PIK3C2A: variants seen among roughly 807,000 people sequenced by gnomAD.
The protein encoded by PIK3C2A is phosphatidylinositol-4-phosphate 3-kinase catalytic subunit type 2 alpha.
A neutral mutation model predicts 204.5 loss-of-function variants in PIK3C2A; 97 were observed. The ratio of observed to expected loss-of-function variants is 0.47; its 90% CI spans 0.40 to 0.56. The LOEUF is 0.56. Ranked by LOEUF, PIK3C2A falls within the 20% of genes least tolerant of loss-of-function variation. The pLI, the probability that PIK3C2A is intolerant of heterozygous loss-of-function variation, is 0.00. For missense variants in PIK3C2A, 1,735 were observed against 1,969.2 expected, an observed-to-expected ratio of 0.88 and a Z score of 2.25; for synonymous variants, 653 against 664.4, an observed-to-expected ratio of 0.98 and a Z score of 0.26.
At chr11:17,173,598 T>A (rs888606519) in intron 1 of PIK3C2A, among the ~76,000 whole-genome samples, 1 of 152,224 alleles carries the variant, frequency 6.6e-6, no homozygotes, top group Non-Finnish European at 1.5e-5. Flanking sequence ...TCTCCCTTTT[T>A]GCTTAAGCCA....
At chr11:17,117,409 G>T in intron 19 of PIK3C2A, 82 bp downstream of exon 19, 1 of 905,184 alleles carries the variant, frequency 1.1e-6, no homozygotes, top group Non-Finnish European at 1.7e-6. Context: ...TACCAATAAA[G>T]AATAGCAACT....
At chr11:17,110,596 T>A in intron 21 of PIK3C2A, 35 bp from the exon 22 acceptor site, 1 of 1,586,716 alleles carries the variant, frequency 6.3e-7, no homozygotes, top group Non-Finnish European at 8.6e-7. Context: ...AACTTGTACA[T>A]CTCCAAAAGA....
In PIK3C2A at chr11:17,190,722, AT is replaced by A. The variant is rs536381857; in HGVS notation, c.-66+17125del. Among the ~76,000 whole-genome samples, 6 of 152,290 alleles carry A rather than the reference AT, an allele frequency of 3.9e-5. No homozygotes were observed. The East Asian group carries it at 1.2e-3, about 29-fold the overall frequency. On this transcript the variant is annotated intron_variant, in intron 1 of 32. Coordinates refer to ENST00000691414, the MANE Select transcript of PIK3C2A (RefSeq NM_002645.4). Reference sequence around the variant, plus strand: ...AGGAAAAATATATTCAAAATCAATAATTAATTAGATGGACTAAGCAGAAGGA... The same window carrying A: ...AGGAAAAATATATTCAAAATCAATAATAATTAGATGGACTAAGCAGAAGGA...
chr11:17,095,648 T>A (rs1848432795), intron 27 of PIK3C2A, among the ~76,000 whole-genome samples: 1 of 151,602 alleles, frequency 6.6e-6, no homozygotes, highest in Non-Finnish European at 1.5e-5. Context: ...GCATGGTGGC[T>A]CACATAATCC....
intron 1 of PIK3C2A, chr11:17,194,179 CA>C: frequency 1.6e-6 from 1 of 626,562 alleles, no homozygotes; most frequent in Non-Finnish European, 2.3e-6. Context: ...CCCGCATTGC[CA>C]AGGGGCTTGG....
intron 1 of PIK3C2A, among the ~76,000 whole-genome samples, chr11:17,189,887 A>G (rs1851884478): frequency 6.6e-6 from 1 of 151,842 alleles, no homozygotes; most frequent in Non-Finnish European, 1.5e-5. Context: ...AAGCAAGAAA[A>G]TGTGACCAAT....
At chr11:17,120,048 A>G (rs1449442207) in intron 15 of PIK3C2A, 74 bp from the exon 16 acceptor site, 1 of 648,672 alleles carries the variant, frequency 1.5e-6, no homozygotes, top group African/African-American at 1.9e-5. Flanking sequence ...AAAAATACAA[A>G]GAAGAAATTT....
At chr11:17,131,419 ATTTTTTTT>A (rs68020564) in intron 12 of PIK3C2A, among the ~76,000 whole-genome samples, 4 of 79,466 alleles carry the variant, frequency 5.0e-5, no homozygotes, top group African/African-American at 1.7e-4. Context: ...AGGGTATTTC[ATTTTTTTT>A]TTTTTTTTTT....
At chr11:17,174,146 G>A (rs1376782146) in intron 1 of PIK3C2A, among the ~76,000 whole-genome samples, 1 of 152,032 alleles carries the variant, frequency 6.6e-6, no homozygotes, top group African/African-American at 2.4e-5. Flanking sequence ...TTTAACAAGA[G>A]GGAGTGAGGG....
intron 8 of PIK3C2A, chr11:17,141,263 CTTCTT>C (rs1469402605): frequency 5.4e-5 from 8 of 147,432 alleles, no homozygotes; most frequent in African/African-American, 1.8e-4. Flanking sequence ...GCTTTCTGCT[CTTCTT>C]TTCTTTTCCT....
At chr11:17,149,256 G>A (rs1046256556) in intron 4 of PIK3C2A, among the ~76,000 whole-genome samples, 3 of 151,694 alleles carry the variant, frequency 2.0e-5, no homozygotes, top group Admixed American at 6.6e-5. Context: ...AAAACATCAC[G>A]TTACCCTTTC....
At chr11:17,174,593 CAAA>C (rs71047532) in intron 1 of PIK3C2A, among the ~76,000 whole-genome samples, 1 of 35,712 alleles carries the variant, frequency 2.8e-5, no homozygotes, top group Admixed American at 4.2e-4. Flanking sequence ...GACTCCGTCT[CAAA>C]AAAAAAAAAA....
chr11:17,189,748 C>A (rs1851876145), intron 1 of PIK3C2A, among the ~76,000 whole-genome samples: 1 of 127,366 alleles, frequency 7.9e-6, no homozygotes. Context: ...GTATGAAAAA[C>A]TAAAAAGTGA....
chr11:17,198,929 G>C (rs1277463663), intron 1 of PIK3C2A, among the ~76,000 whole-genome samples: 1 of 152,024 alleles, frequency 6.6e-6, no homozygotes, highest in African/African-American at 2.4e-5. Context: ...GACCAGCCTG[G>C]CCAACGTGGT....
chr11:17,198,818 A>AC (rs1333392583), intron 1 of PIK3C2A, among the ~76,000 whole-genome samples: 1,058 of 29,076 alleles, frequency 0.036, 20 homozygotes, highest in African/African-American at 0.13. Flanking sequence ...AAACAAAACA[A>AC]AAAAAAAAAG....
At chr11:17,171,548 C>A (rs1851163209) in intron 1 of PIK3C2A, among the ~76,000 whole-genome samples, 1 of 151,996 alleles carries the variant, frequency 6.6e-6, no homozygotes, top group Admixed American at 6.6e-5. Flanking sequence ...AAGAGGAATT[C>A]AAAGAATGTC....
At chr11:17,192,204 T>C (rs966253028) in intron 1 of PIK3C2A, among the ~76,000 whole-genome samples, 9 of 152,236 alleles carry the variant, frequency 5.9e-5, no homozygotes, top group African/African-American at 1.7e-4. Context: ...CTCTTATTAT[T>C]TGTTTAAACA....
At chr11:17,138,342 A>C in intron 8 of PIK3C2A, 1 of 426,914 alleles carries the variant, frequency 2.3e-6, no homozygotes, top group Non-Finnish European at 4.3e-6. Flanking sequence ...TTTTTTTTTT[A>C]ATTCAGTGTG....
intron 13 of PIK3C2A, among the ~76,000 whole-genome samples, chr11:17,123,463 T>C (rs1849429643): frequency 6.6e-6 from 1 of 150,808 alleles, no homozygotes; most frequent in African/African-American, 2.4e-5. Context: ...TTCGCCATGT[T>C]GCCCAAGCTC....
Sources: allele counts gnomAD v4.1 joint callset (sites outside exome capture counted in the v4.1 genomes callset), GRCh38; gene constraint gnomAD v4.1.1; transcripts MANE v1.5; gene names NCBI Gene and HGNC (gene_info 2026-07-23, HGNC 2026-07-21).